The following HADHB variants were observed in gnomAD, a reference collection of about 807,000 sequenced individuals.
HADHB encodes trifunctional enzyme subunit beta, mitochondrial.
A neutral mutation model predicts 61.9 loss-of-function variants in HADHB; 50 were observed. The ratio of observed to expected loss-of-function variants is 0.81; its 90% CI spans 0.64 to 1.02. The LOEUF (loss-of-function observed/expected upper bound fraction) is 1.02, where lower values mean the gene tolerates loss of function less well. Ranked by LOEUF, HADHB falls within the 50% of genes least tolerant of loss-of-function variation. The pLI, the probability that HADHB is intolerant of heterozygous loss-of-function variation, is 0.00. For missense variants in HADHB, 504 were observed against 586.5 expected (o/e 0.86, Z 1.45); for synonymous variants, 191 against 201.6 (o/e 0.95, Z 0.45).
At position 26,284,350 on chromosome 2, in the gene HADHB, A is replaced by T. The variant is rs187764788; in HGVS notation, c.1149+146A>T. 606 of 706,468 alleles carry T rather than the reference A, an allele frequency of 8.6e-4. 2 individuals are homozygous for T. The African/African-American group carries it at 9.8e-3, about 11-fold the overall frequency. 43.8% of individuals were successfully genotyped at this position (706,468 alleles called of 1,614,324 possible). A position where few individuals can be genotyped will look rare whatever the true frequency, so the allele number is the denominator to read the frequency against. ...TTAAGTACTGATTCACACTGCTGGGAGGGGCCCGAGGGGAGGGAAGCAAGG... is the reference window on the plus strand; with the variant it reads ...TTAAGTACTGATTCACACTGCTGGGTGGGGCCCGAGGGGAGGGAAGCAAGG... On this transcript the variant is annotated intron_variant, in intron 13 of 15. Coordinates refer to ENST00000317799, the MANE Select transcript of HADHB (RefSeq NM_000183.3).
At chr2:26,263,160 A>C (rs1424933711) in intron 3 of HADHB, among the ~76,000 whole-genome samples, 1 of 152,032 alleles carries the variant, frequency 6.6e-6, no homozygotes, top group Non-Finnish European at 1.5e-5. Flanking sequence ...TTAGCTGGGC[A>C]TGATGGCAGG....
In HADHB at chr2:26,272,313, C is replaced by G. The variant is rs555448489; in HGVS notation, c.255-1338C>G. On this transcript the variant is annotated intron_variant, in intron 5 of 15. Coordinates refer to ENST00000317799, the MANE Select transcript of HADHB (RefSeq NM_000183.3). ...ATGAGTTTTGACAAATGTATATACC[C>G]CGTGTTCCTGTTTTTGATATGGTCC... Among the ~76,000 whole-genome samples, 33 of 151,074 alleles carry G rather than the reference C, an allele frequency of 2.2e-4. 2 individuals are homozygous for G. In the South Asian group the frequency reaches 6.9e-3, roughly 32 times the overall value.
intron 10 of HADHB, among the ~76,000 whole-genome samples, chr2:26,281,249 C>T (rs960248236): frequency 2.6e-5 from 4 of 152,044 alleles, no homozygotes; most frequent in Non-Finnish European, 4.4e-5. Context: ...TCTCTTACCA[C>T]CTTGGGTATA....
At chr2:26,284,999 C>T (rs371184601) in intron 14 of HADHB, 42 bp downstream of exon 14, 18 of 968,446 alleles carry the variant, frequency 1.9e-5, no homozygotes, top group South Asian at 9.0e-5. Flanking sequence ...TTTCAAAGCA[C>T]GTTAATAATT....
intron 15 of HADHB, among the ~76,000 whole-genome samples, chr2:26,288,570 G>A (rs1001774981): frequency 6.6e-6 from 1 of 151,938 alleles, no homozygotes; most frequent in Non-Finnish European, 1.5e-5. Context: ...CTAGCTGGGC[G>A]TGGTGGTGGG....
At chr2:26,270,940 G>T (rs1181223691) in intron 5 of HADHB, among the ~76,000 whole-genome samples, 6 of 147,848 alleles carry the variant, frequency 4.1e-5, no homozygotes, top group Non-Finnish European at 7.4e-5. Flanking sequence ...GTGCAGTGGC[G>T]TGATTTCGGC....
chr2:26,279,199 C>T lies in HADHB; in HGVS notation c.695C>T (p.Ala232Val). 4 of 1,613,834 alleles carry T rather than the reference C, an allele frequency of 2.5e-6. No homozygotes were observed. The highest frequency in any genetic ancestry group is 2.5e-6 in the Non-Finnish European group (3 of 1,179,742). ...GGCCACTCTGCAGACCGACTGGCCG[C>T]TGCCTTTGCTGTTTCTCGGCTGGAA... Reference protein sequence around the residue: ...TMGHSADRLAAAFAVSRLEQD... With the variant: ...TMGHSADRLAVAFAVSRLEQD... The change falls in exon 9 of 16, where the codon GCT (alanine) becomes GTT (valine). Residue 232 changes from alanine (A) to valine (V), a missense_variant. Transcript: ENST00000317799.
chr2:26,247,160 G>T (rs1441130373), intron 1 of HADHB, among the ~76,000 whole-genome samples: 3 of 151,988 alleles, frequency 2.0e-5, no homozygotes, highest in African/African-American at 7.3e-5. Context: ...CCTTTCCCTT[G>T]CTCCCAGGTG....
chr2:26,280,257 AT>A, intron 10 of HADHB, 142 bp downstream of exon 10: 1 of 740,904 alleles, frequency 1.3e-6, no homozygotes, highest in Non-Finnish European at 2.3e-6. Flanking sequence ...AAGTGGAGTC[AT>A]TAAAAAAAAA....
intron 5 of HADHB, among the ~76,000 whole-genome samples, chr2:26,270,775 A>G (rs924568185): frequency 2.0e-5 from 3 of 152,018 alleles, no homozygotes; most frequent in Non-Finnish European, 4.4e-5. Flanking sequence ...ACTTTATAGC[A>G]CTTGACACTG....
intron 1 of HADHB, among the ~76,000 whole-genome samples, chr2:26,253,861 T>A (rs36129163): frequency 0.023 from 2,243 of 97,692 alleles, 34 homozygotes; most frequent in South Asian, 0.062. Flanking sequence ...CTCAAAAAAA[T>A]AAATAAATAA....
chr2:26,258,030 A>G (rs962426979), intron 3 of HADHB, among the ~76,000 whole-genome samples: 4 of 151,746 alleles, frequency 2.6e-5, no homozygotes, highest in African/African-American at 7.3e-5. Flanking sequence ...AAAAAAAAAG[A>G]TTTCTTCCAA....
chr2:26,285,674 G>C, intron 15 of HADHB, 103 bp downstream of exon 15: 1 of 767,196 alleles, frequency 1.3e-6, no homozygotes, highest in Non-Finnish European at 2.1e-6. Flanking sequence ...TATTTTTGAT[G>C]ACCTGGGGGT....
chr2:26,267,829 A>G (rs1035176367), intron 4 of HADHB, among the ~76,000 whole-genome samples: 1 of 151,926 alleles, frequency 6.6e-6, no homozygotes, highest in Non-Finnish European at 1.5e-5. Context: ...TCTTCCTTAC[A>G]GAAGAATTTT....
chr2:26,253,983 C>T (rs966024203), intron 1 of HADHB, among the ~76,000 whole-genome samples: 1 of 152,110 alleles, frequency 6.6e-6, no homozygotes, highest in African/African-American at 2.4e-5. Context: ...TTCCTTATCT[C>T]TTACAAAGGA....
chr2:26,285,738 G>GTTTTTTTTTTTTT (rs1260684446), intron 15 of HADHB, among the ~76,000 whole-genome samples, 167 bp downstream of exon 15: 1 of 25,472 alleles, frequency 3.9e-5, no homozygotes, highest in African/African-American at 1.4e-4. Context: ...TTGTTTTTTG[G>GTTTTTTTTTTTTT]GTTTTTTTTT....
rs766742523 is a variant in HADHB at position 26,285,739 on chromosome 2, G to GTT, written c.1389+185_1389+186dup. 3.1e-3 allele frequency among the ~76,000 whole-genome samples: 201 copies of GTT among 65,092 alleles called. 41 individuals carry two copies. The highest frequency in any genetic ancestry group is 0.011 in the African/African-American group (162 of 15,150). The allele number at this position is 65,092 out of a possible 152,430, so 42.7% of individuals were successfully genotyped here. Reference sequence around the variant, plus strand: ...TCTGATAAAACTTTTTGTTTTTTGGGTTTTTTTTTTTTTTTTTTGAGACAG... The same window carrying GTT: ...TCTGATAAAACTTTTTGTTTTTTGGGTTTTTTTTTTTTTTTTTTTTGAGACAG... On this transcript the variant is annotated intron_variant, in intron 15 of 15. Transcript: ENST00000317799.
At chr2:26,256,598 C>T (rs569809850) in intron 3 of HADHB, among the ~76,000 whole-genome samples, 58 of 151,768 alleles carry the variant, frequency 3.8e-4, no homozygotes, top group Non-Finnish European at 7.7e-4. Flanking sequence ...TTATTATCTT[C>T]TTTGATTTTA....
intron 6 of HADHB, among the ~76,000 whole-genome samples, chr2:26,276,692 C>T (rs1672543972): frequency 6.6e-6 from 1 of 152,198 alleles, no homozygotes; most frequent in Non-Finnish European, 1.5e-5. Flanking sequence ...TATATTTCAT[C>T]ATCATTCCAG....
Sources: gnomAD v4.1 joint callset for allele counts (sites outside exome capture counted in the v4.1 genomes callset) on GRCh38, gnomAD v4.1.1 for gene constraint, MANE v1.5 for transcripts, NCBI Gene and HGNC (gene_info 2026-07-23, HGNC 2026-07-21) for gene names.